The following FEZ2 variants were observed in gnomAD, a reference collection of about 807,000 sequenced individuals.
FEZ2 encodes fasciculation and elongation protein zeta 2, also known as fasciculation and elongation protein zeta-2.
A neutral mutation model predicts 40.4 loss-of-function variants in FEZ2; 51 were observed. The observed-to-expected ratio is 1.26, with a 90% CI of 1.01 to 1.59. The LOEUF (loss-of-function observed/expected upper bound fraction) is 1.59, where lower values mean the gene tolerates loss of function less well. Ranked by LOEUF, FEZ2 falls within the 40% of genes most tolerant of loss-of-function variation. The pLI is 0.00. For synonymous variants in FEZ2, 242 were observed against 172.0 expected, an observed-to-expected ratio of 1.41 and a Z score of -3.18; for missense variants, 640 against 438.3, an observed-to-expected ratio of 1.46 and a Z score of -4.11.
intron 5 of FEZ2, among the ~76,000 whole-genome samples, chr2:36,567,901 G>A (rs1668293311): frequency 6.6e-6 from 1 of 152,148 alleles, no homozygotes; most frequent in Non-Finnish European, 1.5e-5. Context: ...GAGCTGTGTA[G>A]AGCATACTGT....
Position 36,597,885 on chromosome 2 carries a change from C to G in FEZ2, c.258G>C (p.Gln86His), listed in dbSNP as rs941712171. The G allele has an allele frequency of 2.1e-5, 29 of 1,382,448 alleles. No homozygotes were observed. The highest frequency in any genetic ancestry group is 2.5e-5 in the Non-Finnish European group (27 of 1,075,250). The allele number at this position is 1,382,448 out of a possible 1,614,324, so 85.6% of individuals were successfully genotyped here. ...CGGGGCCCCGCACTCACTCGTCCCC[C>G]TGCAGGAGGCTGCGCTCCGTGATGG... ...VRPITERSLL[Q>H]GDEIWNALTD... Residue 86 changes from glutamine to histidine, a missense_variant, in exon 1 of 8, where the codon CAG (glutamine) becomes CAC (histidine). Physicochemically the swap from Gln to His is conservative, Grantham distance 24. Coordinates refer to ENST00000405912, the MANE Select transcript of FEZ2 (RefSeq NM_005102.3).
Position 36,597,892 on chromosome 2 carries a change from A to G in FEZ2, c.251T>C (p.Leu84Pro). The change falls in exon 1 of 8, where the codon CTC becomes CCC. Residue 84 changes from leucine (L) to proline (P), a missense_variant. Physicochemically the swap from Leu to Pro is moderately conservative, Grantham distance 98. Coordinates refer to ENST00000405912, the MANE Select transcript of FEZ2 (RefSeq NM_005102.3). ...CCGCACTCACTCGTCCCCCTGCAGG[A>G]GGCTGCGCTCCGTGATGGGCCGCAC... The part of the protein sequence containing the change: ...TAVRPITERS[L>P]LQGDEIWNAL... The G allele has an allele frequency of 7.2e-7, 1 of 1,389,110 alleles. No individual in the cohort carries two copies. The highest frequency in any genetic ancestry group is 9.3e-7 in the Non-Finnish European group (1 of 1,078,800). 86.0% of individuals were successfully genotyped at this position (1,389,110 alleles called of 1,614,324 possible).
At chr2:36,564,715 G>C (rs748955632) in intron 5 of FEZ2, among the ~76,000 whole-genome samples, 11 of 152,146 alleles carry the variant, frequency 7.2e-5, no homozygotes, top group Non-Finnish European at 1.3e-4. Context: ...AAGGACAATG[G>C]ACAAGGGAGA....
chr2:36,585,254 G>A (rs1668869022), intron 2 of FEZ2, among the ~76,000 whole-genome samples: 2 of 152,186 alleles, frequency 1.3e-5, no homozygotes, highest in African/African-American at 2.4e-5. Context: ...CAAGTAGGCA[G>A]GGGCTAGGAT....
Position 36,578,855 on chromosome 2 carries a change from C to G in FEZ2, c.645G>C (p.Arg215Ser). ...TTTCATTTAACTCAGACACTGAGAG[C>G]CTTTTCACTCCTGTGACCAAAAGCA... ...STGSYEERVK[R>S]LSVSELNEIL... The change falls in exon 5 of 8, where the codon AGG becomes AGC. Residue 215 changes from arginine to serine, a missense_variant. By Grantham distance (110) the Arg-to-Ser change is moderately radical. Coordinates refer to ENST00000405912, the MANE Select transcript of FEZ2 (RefSeq NM_005102.3). 3 of 1,607,792 alleles carry G rather than the reference C, an allele frequency of 1.9e-6. No individual in the cohort carries two copies. Among genetic ancestry groups the G allele is most frequent in the Middle Eastern group, 1.7e-4 (1 of 6,030 alleles).
At chr2:36,563,987 G>T (rs1051589473) in intron 5 of FEZ2, among the ~76,000 whole-genome samples, 1 of 152,144 alleles carries the variant, frequency 6.6e-6, no homozygotes, top group Non-Finnish European at 1.5e-5. Flanking sequence ...CCTCTCAGAT[G>T]CTGCTGTGCC....
intron 2 of FEZ2, among the ~76,000 whole-genome samples, chr2:36,587,643 C>T (rs1297126270): frequency 7.7e-6 from 1 of 129,692 alleles, no homozygotes; most frequent in African/African-American, 3.2e-5. Flanking sequence ...AATGCAAAAA[C>T]CATTCTTCTT....
chr2:36,581,668 C>T lies in FEZ2; in HGVS notation c.493-237G>A, dbSNP rs1373838014. 9.4e-6 allele frequency: 4 copies of T among 426,726 alleles called. No individual in the cohort carries two copies. The South Asian group carries it at 1.0e-4, about 11-fold the overall frequency. 26.4% of individuals were successfully genotyped at this position (426,726 alleles called of 1,614,324 possible). On this transcript the variant is annotated intron_variant, in intron 3 of 7. Coordinates refer to ENST00000405912, the MANE Select transcript of FEZ2 (RefSeq NM_005102.3). ...AACCTAAATAGAATTGGATTTACTACGTCCATCATGATTCAGAAGGCCCTA... is the reference window on the plus strand; with the variant it reads ...AACCTAAATAGAATTGGATTTACTATGTCCATCATGATTCAGAAGGCCCTA...
intron 5 of FEZ2, among the ~76,000 whole-genome samples, chr2:36,564,642 C>A (rs1348288348): frequency 6.6e-6 from 1 of 152,112 alleles, no homozygotes; most frequent in Non-Finnish European, 1.5e-5. Context: ...CAGAGAAAAG[C>A]TGCCTGAGGA....
intron 1 of FEZ2, among the ~76,000 whole-genome samples, chr2:36,597,001 ACCT>A (rs1669243972): frequency 6.6e-6 from 1 of 151,968 alleles, no homozygotes; most frequent in Admixed American, 6.6e-5. Flanking sequence ...AACCCCGTGA[ACCT>A]CCTATCATTG....
intron 5 of FEZ2, among the ~76,000 whole-genome samples, chr2:36,571,270 TTC>T (rs1322995673): frequency 1.3e-5 from 2 of 152,242 alleles, no homozygotes; most frequent in Non-Finnish European, 2.9e-5. Flanking sequence ...CTAATAGTAA[TTC>T]TTAGTAAATG....
chr2:36,597,935 C>T lies in FEZ2; in HGVS notation c.208G>A (p.Glu70Lys), dbSNP rs1235498708. ...GGCCGCACGGCCGTCCTCGGGGGCT[C>T]GGCGCCCGGATCCGAGGGGCGGAAG... The part of the protein sequence containing the change: ...LCFRPSDPGA[E>K]PPRTAVRPIT... The change falls in exon 1 of 8, where the codon GAG (glutamate) becomes AAG (lysine). Residue 70 changes from glutamate to lysine, a missense_variant. Physicochemically the swap from Glu to Lys is moderately conservative, Grantham distance 56. Transcript: ENST00000405912. 4.9e-6 allele frequency: 7 copies of T among 1,442,218 alleles called. No individual in the cohort carries two copies. The East Asian group carries it at 8.9e-5, about 18-fold the overall frequency. 89.3% of individuals were successfully genotyped at this position (1,442,218 alleles called of 1,614,324 possible).
chr2:36,581,238 T>C (rs1442364324), intron 4 of FEZ2, 52 bp downstream of exon 4: 4 of 1,549,002 alleles, frequency 2.6e-6, no homozygotes, highest in East Asian at 2.2e-5. Context: ...ATACTATACA[T>C]TTGATACAGA....
intron 1 of FEZ2, among the ~76,000 whole-genome samples, chr2:36,593,078 C>A (rs530580742): frequency 6.6e-6 from 1 of 152,156 alleles, no homozygotes; most frequent in Non-Finnish European, 1.5e-5. Flanking sequence ...AAGAAATTTT[C>A]AAACACTGAA....
chr2:36,574,113 G>T (rs990669753), intron 5 of FEZ2, among the ~76,000 whole-genome samples: 1 of 152,156 alleles, frequency 6.6e-6, no homozygotes, highest in African/African-American at 2.4e-5. Context: ...TGTCTAGTAG[G>T]CAGTTGGACA....
chr2:36,556,332 T>G (rs1667961035), intron 6 of FEZ2: 1 of 159,812 alleles, frequency 6.3e-6, no homozygotes, highest in South Asian at 1.9e-4. Context: ...ATTAGCCTCA[T>G]TCTAATTTGA....
rs142458577 is a variant in FEZ2, at chr2:36,554,779, A to G, written c.1045+904T>C. On this transcript the variant is annotated intron_variant, in intron 7 of 7. Transcript: ENST00000405912. ...ACTGAGGTTCCCCTTTCATGACACT[A>G]TGGTTTAAGAAAAGACCATCAGAGG... 2.7e-4 allele frequency among the ~76,000 whole-genome samples: 41 copies of G among 152,262 alleles called. No individual in the cohort carries two copies. In the East Asian group the frequency reaches 7.9e-3, roughly 29 times the overall value.
Position 36,552,584 on chromosome 2 carries a change from C to G in FEZ2, c.*579G>C. On this transcript the variant is annotated 3_prime_UTR_variant, in exon 8 of 8. Coordinates refer to ENST00000405912, the MANE Select transcript of FEZ2 (RefSeq NM_005102.3). ...ATTTGACCAGTGGTGAAACAAGCAG[C>G]AAGCTACAAAATCCATCACCACCAA... 1 of 245,182 alleles carries G rather than the reference C, an allele frequency of 4.1e-6. No individual in the cohort carries two copies. The highest frequency in any genetic ancestry group is 4.8e-5 in the South Asian group (1 of 21,050). 15.2% of individuals were successfully genotyped at this position (245,182 alleles called of 1,614,324 possible).
chr2:36,554,239 A>G, intron 7 of FEZ2: 1 of 471,194 alleles, frequency 2.1e-6, no homozygotes, highest in Non-Finnish European at 4.4e-6. Context: ...GGCATGCGGT[A>G]TAGGTAGGTT....
Sources: gnomAD v4.1 joint callset for allele counts (sites outside exome capture counted in the v4.1 genomes callset) on GRCh38, gnomAD v4.1.1 for gene constraint, MANE v1.5 for transcripts, NCBI Gene and HGNC (gene_info 2026-07-23, HGNC 2026-07-21) for gene names.